PCLO: variants seen among roughly 807,000 people sequenced by gnomAD.
PCLO encodes the protein protein piccolo.
PCLO carries 82 observed loss-of-function variants against 427.5 expected under a neutral mutation model. The observed-to-expected ratio is 0.19, with a 90% CI of 0.16 to 0.23. PCLO has a LOEUF of 0.23. PCLO is among the 10% of genes least tolerant of loss of function. The pLI, the probability that PCLO is intolerant of heterozygous loss-of-function variation, is 1.00. For synonymous variants in PCLO, 2,357 were observed against 2,155.4 expected (o/e 1.09, Z -2.59); for missense variants, 6,239 against 6,115.9 (o/e 1.02, Z -0.67).
At chr7:82,970,792 G>A (rs750201103) in intron 3 of PCLO, among the ~76,000 whole-genome samples, 55 of 151,938 alleles carry the variant, frequency 3.6e-4, no homozygotes, top group South Asian at 1.0e-3. Context: ...AAAATACAAA[G>A]AGGAAATGAG....
Position 83,156,119 on chromosome 7 carries a change from G to C in PCLO, c.522C>G (p.Asn174Lys). The change falls in exon 2 of 25, where the codon AAC becomes AAG. Residue 174 changes from asparagine (N) to lysine (K), a missense_variant. By Grantham distance (94) the Asn-to-Lys change is moderately conservative. Around this residue, in one of 5 missense-constraint regions of PCLO, gnomAD observed 4,677 missense variants for 4,468.4 expected, o/e 1.05. Coordinates refer to ENST00000333891, the MANE Select transcript of PCLO (RefSeq NM_033026.6). ...CAGAGTCTGATATCAAATCAAAAGG[G>C]TTGAATTTATTTACAACAGAGGAAA... Reference protein sequence around the residue: ...SAVSSVVNKFNPFDLISDSEA... With the variant: ...SAVSSVVNKFKPFDLISDSEA... 6.2e-7 allele frequency: 1 copy of C among 1,613,708 alleles called. No homozygotes were observed. Among genetic ancestry groups the C allele is most frequent in the Non-Finnish European group, 8.5e-7 (1 of 1,179,842 alleles).
intron 14 of PCLO, 125 bp downstream of exon 14, chr7:82,841,334 C>T: frequency 3.0e-6 from 2 of 658,200 alleles, no homozygotes; most frequent in East Asian, 2.8e-5. Context: ...TGCATTTTTC[C>T]TTTACAGTTC....
chr7:82,860,857 T>C (rs1792936668), intron 10 of PCLO, among the ~76,000 whole-genome samples: 1 of 152,102 alleles, frequency 6.6e-6, no homozygotes, highest in African/African-American at 2.4e-5. Flanking sequence ...TTCTTTTTGC[T>C]TGTTTGTTTA....
chr7:82,888,010 C>T (rs1793668096), intron 9 of PCLO, among the ~76,000 whole-genome samples: 1 of 151,614 alleles, frequency 6.6e-6, no homozygotes, highest in African/African-American at 2.4e-5. Context: ...GCAGAGGTTG[C>T]AGTCAGCTGA....
At chr7:82,925,948 G>A (rs924810334) in intron 6 of PCLO, among the ~76,000 whole-genome samples, 4 of 151,488 alleles carry the variant, frequency 2.6e-5, no homozygotes, top group African/African-American at 9.7e-5. Context: ...CAAACTCCTG[G>A]GCTCAAGAGA....
intron 20 of PCLO, among the ~76,000 whole-genome samples, chr7:82,814,808 G>A (rs924462241): frequency 6.6e-6 from 1 of 151,776 alleles, no homozygotes; most frequent in African/African-American, 2.4e-5. Context: ...AGAATATTTT[G>A]ACCTTGCAGA....
chr7:83,044,125 T>C (rs1789044748), intron 3 of PCLO, among the ~76,000 whole-genome samples: 1 of 147,070 alleles, frequency 6.8e-6, no homozygotes, highest in Non-Finnish European at 1.5e-5. Flanking sequence ...GCACACCTTA[T>C]GTGGTGGCAG....
At chr7:82,822,758 C>A in intron 19 of PCLO, 69 bp from the exon 20 acceptor site, 1 of 1,389,966 alleles carries the variant, frequency 7.2e-7, no homozygotes, top group East Asian at 2.3e-5. Context: ...TTGGTTTACA[C>A]ATAATTTGAA....
intron 3 of PCLO, among the ~76,000 whole-genome samples, chr7:83,051,942 G>A (rs145650162): frequency 6.6e-6 from 1 of 151,770 alleles, no homozygotes; most frequent in African/African-American, 2.4e-5. Flanking sequence ...GAGAAAGGAT[G>A]TTTTTTTTAA....
chr7:82,964,360 A>G (rs902608753), intron 4 of PCLO, among the ~76,000 whole-genome samples: 1 of 152,080 alleles, frequency 6.6e-6, no homozygotes, highest in African/African-American at 2.4e-5. Flanking sequence ...AGAGTCAGAC[A>G]TATTGAGTTT....
rs753964393 is a variant in PCLO, at chr7:82,951,853, G to C, written c.9097+3C>G. 2 of 1,610,284 alleles carry C rather than the reference G, an allele frequency of 1.2e-6. No individual in the cohort carries two copies. Among genetic ancestry groups the C allele is most frequent in the East Asian group, 4.5e-5 (2 of 44,856 alleles). Reference sequence around the variant, plus strand: ...GAAAGGTCTGCTGCCACATCATACTGACCTGTAGTAACTCTCCCTGAAGTC... The same window carrying C: ...GAAAGGTCTGCTGCCACATCATACTCACCTGTAGTAACTCTCCCTGAAGTC... On this transcript the variant is annotated splice_donor_region_variant and intron_variant, in intron 5 of 24. Transcript: ENST00000333891.
chr7:83,076,930 G>A (rs543439782), intron 3 of PCLO, among the ~76,000 whole-genome samples: 16 of 151,606 alleles, frequency 1.1e-4, no homozygotes, highest in Non-Finnish European at 2.1e-4. Context: ...GGTTACTCTC[G>A]ACATTTTTTG....
intron 2 of PCLO, among the ~76,000 whole-genome samples, chr7:83,148,374 C>T (rs991233666): frequency 6.6e-6 from 1 of 152,174 alleles, no homozygotes; most frequent in African/African-American, 2.4e-5. Flanking sequence ...TGTCATCTGT[C>T]TCACCATATG....
intron 10 of PCLO, among the ~76,000 whole-genome samples, chr7:82,856,430 A>T (rs2115880327): frequency 6.6e-6 from 1 of 152,246 alleles, no homozygotes; most frequent in South Asian, 2.1e-4. Context: ...CCAGTCCAGT[A>T]TTTCCTTGAA....
intron 6 of PCLO, among the ~76,000 whole-genome samples, chr7:82,942,491 T>G (rs1444938856): frequency 1.3e-5 from 2 of 152,164 alleles, no homozygotes. Context: ...TTATAAAAAG[T>G]TTTCTTTTCA....
intron 6 of PCLO, among the ~76,000 whole-genome samples, chr7:82,934,805 AAT>A (rs1794913710): frequency 6.6e-6 from 1 of 151,698 alleles, no homozygotes; most frequent in African/African-American, 2.4e-5. Flanking sequence ...CAAATGATAA[AAT>A]ATATTTTTAT....
intron 10 of PCLO, among the ~76,000 whole-genome samples, chr7:82,851,397 G>T (rs1010253777): frequency 5.9e-5 from 9 of 151,728 alleles, no homozygotes; most frequent in African/African-American, 2.2e-4. Flanking sequence ...TGAGAAACAG[G>T]ATCTGACCTA....
chr7:83,026,292 A>G (rs1287601934), intron 3 of PCLO, among the ~76,000 whole-genome samples: 7 of 152,184 alleles, frequency 4.6e-5, no homozygotes, highest in Non-Finnish European at 1.0e-4. Flanking sequence ...AAAAAAAGGC[A>G]GGGGTTGCAA....
At chr7:83,078,024 G>T (rs1790000491) in intron 3 of PCLO, among the ~76,000 whole-genome samples, 1 of 152,122 alleles carries the variant, frequency 6.6e-6, no homozygotes, top group African/African-American at 2.4e-5. Flanking sequence ...AGTCTATGCA[G>T]AGCCATTTCC....
Sources: gnomAD v4.1 joint callset for allele counts (sites outside exome capture counted in the v4.1 genomes callset) on GRCh38, gnomAD v4.1.1 for gene constraint, gnomAD v4.1.1 regional missense constraint, MANE v1.5 for transcripts, NCBI Gene and HGNC (gene_info 2026-07-23, HGNC 2026-07-21) for gene names.